ARID5B: variants seen among roughly 807,000 people sequenced by gnomAD.
ARID5B encodes the protein AT-rich interaction domain 5B, also known as AT-rich interactive domain-containing protein 5B.
A neutral mutation model predicts 97.2 loss-of-function variants in ARID5B; 13 were observed. That is an observed-to-expected ratio of 0.13 (90% CI 0.09 to 0.21). The LOEUF is 0.21. Ranked by LOEUF, ARID5B falls within the 10% of genes least tolerant of loss-of-function variation. ARID5B has a pLI of 1.00. For synonymous variants in ARID5B, 556 were observed against 570.3 expected (o/e 0.97, Z 0.36); for missense variants, 1,210 against 1,465.3 (o/e 0.83, Z 2.84).
chr10:61,945,987 A>G (rs1033382867), intron 3 of ARID5B, among the ~76,000 whole-genome samples: 4 of 148,412 alleles, frequency 2.7e-5, no homozygotes, highest in Admixed American at 1.4e-4. Flanking sequence ...CATATTATAT[A>G]TGACTATTAT....
chr10:61,999,979 A>T, intron 3 of ARID5B, 112 bp from the exon 4 acceptor site: 1 of 1,044,696 alleles, frequency 9.6e-7, no homozygotes, highest in Non-Finnish European at 1.4e-6. Flanking sequence ...TGTAACAAGG[A>T]TGAGAGTCTT....
intron 3 of ARID5B, among the ~76,000 whole-genome samples, chr10:61,976,715 T>C (rs551112440): frequency 2.0e-4 from 30 of 152,292 alleles, no homozygotes; most frequent in African/African-American, 5.3e-4. Context: ...CAACACCCAA[T>C]AGACATATTT....
At chr10:61,969,685 G>A (rs1403906775) in intron 3 of ARID5B, among the ~76,000 whole-genome samples, 1 of 152,044 alleles carries the variant, frequency 6.6e-6, no homozygotes, top group Non-Finnish European at 1.5e-5. Flanking sequence ...AAGAGGCTTC[G>A]TTTTTTAGTG....
Position 62,000,283 on chromosome 10 carries a change from C to G in ARID5B, c.695C>G (p.Pro232Arg). The G allele has an allele frequency of 6.2e-7, 1 of 1,612,680 alleles. No homozygotes were observed. The highest frequency in any genetic ancestry group is 1.1e-5 in the South Asian group (1 of 90,942). ...TACTGTCGGGACACCTTTGACCACC[C>G]GACTCTCATAGAAAACGAGAGTATA... ...ILYCRDTFDH[P>R]TLIENESICD... The change falls in exon 4 of 10, where the codon CCG becomes CGG. Residue 232 changes from proline (P) to arginine (R), a missense_variant. By Grantham distance (103) the Pro-to-Arg change is moderately radical. Transcript: ENST00000279873. This position sits in a 1 kb window ranked among gnomAD's most constrained non-coding sequence, Gnocchi z 4.4.
At chr10:61,994,341 C>A (rs529985087) in intron 3 of ARID5B, among the ~76,000 whole-genome samples, 3 of 152,046 alleles carry the variant, frequency 2.0e-5, no homozygotes, top group East Asian at 1.9e-4. Flanking sequence ...CCGAAACAAG[C>A]CTCCCCTCAC....
rs571999491 is a variant in ARID5B, at chr10:61,943,142, T to C, written c.502+2734T>C. On this transcript the variant is annotated intron_variant, in intron 3 of 9. Transcript: ENST00000279873. ...AAAAACTTTCCTTAATGTAATGAGT[T>C]TCCATTATCTGCCTAATCTAAGGTT... Among the ~76,000 whole-genome samples, 3 of 152,318 alleles carry C rather than the reference T, an allele frequency of 2.0e-5. No individual in the cohort carries two copies. The East Asian group carries it at 5.8e-4, about 29-fold the overall frequency.
At chr10:62,057,052 G>C in intron 5 of ARID5B, 65 bp from the exon 6 acceptor site, 1 of 1,509,870 alleles carries the variant, frequency 6.6e-7, no homozygotes, top group Non-Finnish European at 9.1e-7. Context: ...TCTGTCACTA[G>C]CTATGTCTTG....
chr10:61,947,206 A>G (rs1838250475), intron 3 of ARID5B, among the ~76,000 whole-genome samples: 1 of 151,626 alleles, frequency 6.6e-6, no homozygotes, highest in African/African-American at 2.4e-5. Flanking sequence ...ATCTGCATCC[A>G]AGATATTCAG....
At chr10:61,907,381 AT>A (rs1843724681) in intron 2 of ARID5B, among the ~76,000 whole-genome samples, 1 of 151,580 alleles carries the variant, frequency 6.6e-6, no homozygotes. Context: ...TTTTTTAGAG[AT>A]TTCTGAGACC....
In ARID5B at chr10:62,059,407, T is replaced by C; in HGVS notation, c.1101+112T>C. Reference sequence around the variant, plus strand: ...AAACATCACTGACTGCCTTTTCAAATGGCTCTACACTTTTGGGGGTTTATT... The same window carrying C: ...AAACATCACTGACTGCCTTTTCAAACGGCTCTACACTTTTGGGGGTTTATT... On this transcript the variant is annotated intron_variant, in intron 7 of 9. Transcript: ENST00000279873. 8.1e-6 allele frequency: 7 copies of C among 859,802 alleles called. No individual in the cohort carries two copies. The South Asian group carries it at 9.4e-5, about 12-fold the overall frequency. 53.3% of individuals were successfully genotyped at this position (859,802 alleles called of 1,614,324 possible). A position where few individuals can be genotyped will look rare whatever the true frequency, so the allele number is the denominator to read the frequency against.
intron 3 of ARID5B, among the ~76,000 whole-genome samples, chr10:61,977,590 G>C (rs1838718434): frequency 6.6e-6 from 1 of 152,160 alleles, no homozygotes; most frequent in Non-Finnish European, 1.5e-5. Flanking sequence ...GTTTTGATTT[G>C]CATTTCTCTG....
chr10:62,049,380 C>T, intron 4 of ARID5B: 1 of 1,548,284 alleles, frequency 6.5e-7, no homozygotes. Context: ...AGCTGACATC[C>T]ACACCAAGTC....
At chr10:62,051,269 T>C (rs1347457727) in intron 5 of ARID5B, among the ~76,000 whole-genome samples, 1 of 152,166 alleles carries the variant, frequency 6.6e-6, no homozygotes, top group Non-Finnish European at 1.5e-5. Flanking sequence ...GGACAGATGA[T>C]TAAGCACCCA....
rs1840426274 is a variant in ARID5B, at chr10:62,093,880, T to C, written c.*850T>C. On this transcript the variant is annotated 3_prime_UTR_variant, in exon 10 of 10. Coordinates refer to ENST00000279873, the MANE Select transcript of ARID5B (RefSeq NM_032199.3). ...AAAGAAACAGTCAAGCACACAATAG[T>C]GCAAAGAACGTTCCTTTGTAGATCC... is the stretch of plus-strand genomic sequence containing the variant. The C allele has an allele frequency of 4.3e-6, 1 of 233,504 alleles. No homozygotes were observed. The highest frequency in any genetic ancestry group is 8.5e-6 in the Non-Finnish European group (1 of 118,048). The allele number at this position is 233,504 out of a possible 1,614,324, so 14.5% of individuals were successfully genotyped here. A position where few individuals can be genotyped will look rare whatever the true frequency, so the allele number is the denominator to read the frequency against.
chr10:62,047,053 G>A (rs1307873854), intron 4 of ARID5B: 1 of 151,984 alleles, frequency 6.6e-6, no homozygotes, highest in Non-Finnish European at 1.5e-5. Flanking sequence ...TTAGAGATAA[G>A]TTGCTTAAAG....
At chr10:62,012,961 C>T (rs1484586211) in intron 4 of ARID5B, among the ~76,000 whole-genome samples, 1 of 152,064 alleles carries the variant, frequency 6.6e-6, no homozygotes, top group East Asian at 1.9e-4. Context: ...AATACTATAA[C>T]AAACATCTTT....
chr10:61,946,363 A>G (rs1479485159), intron 3 of ARID5B, among the ~76,000 whole-genome samples: 1 of 152,202 alleles, frequency 6.6e-6, no homozygotes, highest in African/African-American at 2.4e-5. Flanking sequence ...AAATGCAGAC[A>G]TCTTGTCATA....
chr10:62,051,676 C>T (rs920493691), intron 5 of ARID5B, among the ~76,000 whole-genome samples: 1 of 152,124 alleles, frequency 6.6e-6, no homozygotes, highest in Non-Finnish European at 1.5e-5. Flanking sequence ...GTATTTTGCA[C>T]GACAAAGGGT....
In ARID5B at chr10:62,096,805, T is replaced by G; in HGVS notation, c.*3775T>G. 4.3e-6 allele frequency: 1 copy of G among 233,636 alleles called. No homozygotes were observed. 14.5% of individuals were successfully genotyped at this position (233,636 alleles called of 1,614,324 possible). ...AGCCAACTATAAACACTCAATTTTG[T>G]ATGTTTTCCAAATTGTACTTATTAC... On this transcript the variant is annotated 3_prime_UTR_variant, in exon 10 of 10. Transcript: ENST00000279873.
Sources: gnomAD v4.1 joint callset for allele counts (sites outside exome capture counted in the v4.1 genomes callset) on GRCh38, gnomAD v4.1.1 for gene constraint, Gnocchi (gnomAD v3.1) non-coding constraint, MANE v1.5 for transcripts, NCBI Gene and HGNC (gene_info 2026-07-23, HGNC 2026-07-21) for gene names.